The following ADAMTSL1 variants were observed in gnomAD, a reference collection of about 807,000 sequenced individuals.
ADAMTSL1 encodes ADAMTS like 1.
A neutral mutation model predicts 201.8 loss-of-function variants in ADAMTSL1; 126 were observed. The ratio of observed to expected loss-of-function variants is 0.62; its 90% CI spans 0.54 to 0.72. The LOEUF is 0.72. Among genes scored for constraint, ADAMTSL1 ranks in the 30% least tolerant of loss-of-function variants. The pLI, the probability that ADAMTSL1 is intolerant of heterozygous loss-of-function variation, is 0.00. For missense variants in ADAMTSL1, 2,679 were observed against 2,277.8 expected, an observed-to-expected ratio of 1.18 and a Z score of -3.59; for synonymous variants, 1,121 against 903.4, an observed-to-expected ratio of 1.24 and a Z score of -4.32.
chr9:18,701,274 C>T (rs1430650569), intron 13 of ADAMTSL1, among the ~76,000 whole-genome samples: 1 of 131,938 alleles, frequency 7.6e-6, no homozygotes, highest in Non-Finnish European at 1.5e-5. Flanking sequence ...GGCTGGAATA[C>T]AGTAGCAAGA....
chr9:18,858,474 C>G (rs12003182), intron 23 of ADAMTSL1, among the ~76,000 whole-genome samples: 1,623 of 152,316 alleles, frequency 0.011, 32 homozygotes, highest in African/African-American at 0.037. Flanking sequence ...TTAGCCTTGC[C>G]TAATGGGTTT....
chr9:18,607,790 A>G (rs1334083252), intron 4 of ADAMTSL1, among the ~76,000 whole-genome samples: 2 of 144,814 alleles, frequency 1.4e-5, no homozygotes, highest in African/African-American at 5.2e-5. Context: ...CTGTGTTCTC[A>G]TTGTTCAGTT....
intron 23 of ADAMTSL1, among the ~76,000 whole-genome samples, chr9:18,867,677 A>C (rs796914451): frequency 3.3e-4 from 50 of 152,060 alleles, no homozygotes; most frequent in African/African-American, 1.1e-3. Context: ...GCCCAGGTGG[A>C]GTGCAGTGGT....
At chr9:18,863,101 A>C (rs1452489454) in intron 23 of ADAMTSL1, among the ~76,000 whole-genome samples, 1 of 152,164 alleles carries the variant, frequency 6.6e-6, no homozygotes, top group Non-Finnish European at 1.5e-5. Context: ...AACACGGCCA[A>C]ACTCTATCTT....
At chr9:18,628,187 A>G (rs990398112) in intron 5 of ADAMTSL1, among the ~76,000 whole-genome samples, 3 of 68,244 alleles carry the variant, frequency 4.4e-5, no homozygotes, top group Non-Finnish European at 6.3e-5. Flanking sequence ...CCAGGACACA[A>G]AGATTTTCTC....
intron 4 of ADAMTSL1, among the ~76,000 whole-genome samples, chr9:18,610,469 G>A (rs996853216): frequency 5.9e-5 from 9 of 152,082 alleles, no homozygotes; most frequent in African/African-American, 2.2e-4. Flanking sequence ...TTCTCTCCAG[G>A]CTCTACCCTA....
At chr9:17,947,354 T>A (rs961303365) in intron 1 of ADAMTSL1, among the ~76,000 whole-genome samples, 3 of 146,588 alleles carry the variant, frequency 2.0e-5, no homozygotes, top group African/African-American at 7.6e-5. Context: ...CACCCCACTA[T>A]GCACTTGATA....
intron 7 of ADAMTSL1, among the ~76,000 whole-genome samples, chr9:18,640,819 G>T (rs2066254): frequency 3.3e-5 from 5 of 151,788 alleles, no homozygotes; most frequent in Admixed American, 6.6e-5. Flanking sequence ...CGTTAGCGCA[G>T]GCCTTTACTT....
chr9:18,777,003 C>T lies in ADAMTSL1; in HGVS notation c.2774C>T (p.Thr925Met), dbSNP rs1175696938. 6.2e-7 allele frequency: 1 copy of T among 1,603,928 alleles called. No homozygotes were observed. Among genetic ancestry groups the T allele is most frequent in the Non-Finnish European group, 8.5e-7 (1 of 1,173,598 alleles). ...GQHLISSTHV[T>M]VAPFGYLKIH... ...CACCTCATCAGCTCGACGCACGTCA[C>T]GGTGGCCCCCTTCGGCTATCTCAAG... The change falls in exon 19 of 29, where the codon ACG (threonine) becomes ATG (methionine). Residue 925 changes from threonine to methionine, a missense_variant. Coordinates refer to ENST00000380548, the MANE Select transcript of ADAMTSL1 (RefSeq NM_001040272.6).
chr9:17,936,515 G>T (rs1588443113), intron 1 of ADAMTSL1, among the ~76,000 whole-genome samples: 3 of 152,168 alleles, frequency 2.0e-5, no homozygotes, highest in Non-Finnish European at 4.4e-5. Context: ...GTAAAGGCAG[G>T]AGGTTGAACC....
chr9:18,041,236 C>A (rs957476636), intron 1 of ADAMTSL1, among the ~76,000 whole-genome samples: 1 of 152,172 alleles, frequency 6.6e-6, no homozygotes, highest in African/African-American at 2.4e-5. Context: ...GAATAAATGG[C>A]TGTTTTCCTG....
chr9:17,923,931 T>C (rs920400950), intron 1 of ADAMTSL1, among the ~76,000 whole-genome samples: 1 of 128,740 alleles, frequency 7.8e-6, no homozygotes, highest in African/African-American at 2.9e-5. Context: ...TCACATTTAT[T>C]GATTTACGTA....
intron 26 of ADAMTSL1, among the ~76,000 whole-genome samples, chr9:18,902,592 G>A (rs1315939509): frequency 6.6e-6 from 1 of 151,608 alleles, no homozygotes; most frequent in Non-Finnish European, 1.5e-5. Flanking sequence ...AATATATGGA[G>A]CACAGAGAAA....
intron 1 of ADAMTSL1, among the ~76,000 whole-genome samples, chr9:17,970,389 T>C (rs964110642): frequency 6.6e-6 from 1 of 152,046 alleles, no homozygotes; most frequent in East Asian, 1.9e-4. Context: ...GCCATTTCTG[T>C]GTCTAAAACC....
intron 2 of ADAMTSL1, among the ~76,000 whole-genome samples, chr9:18,407,194 C>T (rs987568583): frequency 2.0e-5 from 3 of 152,142 alleles, no homozygotes; most frequent in South Asian, 2.1e-4. Flanking sequence ...TCAAAGCTGC[C>T]TGGGGTTCTC....
At chr9:18,476,453 T>C (rs1821456906) in intron 1 of ADAMTSL1, among the ~76,000 whole-genome samples, 1 of 152,190 alleles carries the variant, frequency 6.6e-6, no homozygotes, top group Non-Finnish European at 1.5e-5. Context: ...TTAGGCTTTC[T>C]GCATCATCTT....
chr9:18,817,815 G>T (rs989780162), intron 21 of ADAMTSL1, among the ~76,000 whole-genome samples: 6 of 152,192 alleles, frequency 3.9e-5, no homozygotes, highest in African/African-American at 1.4e-4. Context: ...GGAAGGTAAC[G>T]ACTGGATGGA....
intron 13 of ADAMTSL1, among the ~76,000 whole-genome samples, chr9:18,690,338 T>C (rs1831134907): frequency 2.0e-5 from 3 of 152,246 alleles, no homozygotes; most frequent in African/African-American, 4.8e-5. Flanking sequence ...TGTGAATTCA[T>C]ATTTTTTAAG....
rs1345427024 is a variant in ADAMTSL1, at chr9:18,722,223, T to C, written c.2006+558T>C. Among the ~76,000 whole-genome samples, 4 of 152,210 alleles carry C rather than the reference T, an allele frequency of 2.6e-5. No homozygotes were observed. The South Asian group carries it at 6.2e-4, about 24-fold the overall frequency. The stretch of plus-strand genomic sequence containing the variant: ...GCCTGGGTCTCATTATTAGCCAACA[T>C]TGAGTCACAGCCTTGATTGAATTAA... On this transcript the variant is annotated intron_variant, in intron 15 of 28. Coordinates refer to ENST00000380548, the MANE Select transcript of ADAMTSL1 (RefSeq NM_001040272.6).
Sources: allele counts gnomAD v4.1 joint callset (sites outside exome capture counted in the v4.1 genomes callset), GRCh38; gene constraint gnomAD v4.1.1; transcripts MANE v1.5; gene names NCBI Gene and HGNC (gene_info 2026-07-23, HGNC 2026-07-21).